SLC23A2: variants seen among roughly 807,000 people sequenced by gnomAD.
SLC23A2 encodes the protein Na(+)/L-ascorbic acid transporter 2.
A neutral mutation model predicts 73.3 loss-of-function variants in SLC23A2; 36 were observed. That is an observed-to-expected ratio of 0.49 (90% confidence interval 0.38 to 0.65). The LOEUF is 0.65. Ranked by LOEUF, SLC23A2 falls within the 30% of genes least tolerant of loss-of-function variation. The pLI is 0.00. For missense variants in SLC23A2, 507 were observed against 841.6 expected (o/e 0.60, Z 4.92); for synonymous variants, 343 against 327.3 (o/e 1.05, Z -0.52).
intron 2 of SLC23A2, among the ~76,000 whole-genome samples, chr20:4,952,087 G>C (rs2087211390): frequency 9.1e-6 from 1 of 109,318 alleles, no homozygotes; most frequent in African/African-American, 3.5e-5. Flanking sequence ...CTGGGCGACA[G>C]AGCAAGACTC....
chr20:4,934,924 A>G (rs1271720614), intron 2 of SLC23A2, among the ~76,000 whole-genome samples: 6 of 151,918 alleles, frequency 3.9e-5, no homozygotes, highest in Admixed American at 3.9e-4. Flanking sequence ...ACAGTGGCTC[A>G]TGCCTGTAAT....
At chr20:4,955,830 T>C (rs989923835) in intron 2 of SLC23A2, among the ~76,000 whole-genome samples, 1 of 151,790 alleles carries the variant, frequency 6.6e-6, no homozygotes, top group African/African-American at 2.4e-5. Flanking sequence ...TATATATACA[T>C]GTGCGATTGA....
intron 2 of SLC23A2, among the ~76,000 whole-genome samples, chr20:4,956,677 G>A (rs1447496953): frequency 1.3e-5 from 2 of 151,886 alleles, no homozygotes; most frequent in African/African-American, 2.4e-5. Context: ...TTTAAGTTGG[G>A]CACACAACCA....
At chr20:4,871,820 C>T (rs1930460139) in intron 11 of SLC23A2, among the ~76,000 whole-genome samples, 1 of 152,156 alleles carries the variant, frequency 6.6e-6, no homozygotes, top group Non-Finnish European at 1.5e-5. Flanking sequence ...CAGAGGCCTT[C>T]CTCACCAAGG....
chr20:4,947,122 G>A lies in SLC23A2; in HGVS notation c.-154-14406C>T, dbSNP rs1419611319. 6.6e-6 allele frequency among the ~76,000 whole-genome samples: 1 copy of A among 152,132 alleles called. No homozygotes were observed. The highest frequency in any genetic ancestry group is 2.4e-5 in the African/African-American group (1 of 41,420). On this transcript the variant is annotated intron_variant, in intron 2 of 16. Coordinates refer to ENST00000338244, the MANE Select transcript of SLC23A2 (RefSeq NM_005116.6). The surrounding 1 kb of genome is among the most constrained non-coding windows in gnomAD (Gnocchi z 4.4). ...CTCCTCCTCCAGGGAGCACTCCTGG[G>A]TCAGCTGTCCGTCTTCTGTGTTTCC... is the stretch of plus-strand genomic sequence containing the variant.
chr20:4,916,722 C>A (rs981517146), intron 3 of SLC23A2, among the ~76,000 whole-genome samples: 5 of 152,146 alleles, frequency 3.3e-5, no homozygotes, highest in Non-Finnish European at 1.5e-5. Flanking sequence ...TACAGTGGTA[C>A]AAAAGTGATA....
intron 2 of SLC23A2, among the ~76,000 whole-genome samples, chr20:4,951,023 G>A (rs1034465340): frequency 6.6e-5 from 10 of 152,088 alleles, no homozygotes; most frequent in African/African-American, 9.7e-5. Context: ...CACCACAAGC[G>A]CCCAGAACAC....
intron 1 of SLC23A2, among the ~76,000 whole-genome samples, chr20:4,972,515 T>C (rs1487555258): frequency 1.3e-5 from 2 of 151,208 alleles, no homozygotes; most frequent in Admixed American, 6.6e-5. Flanking sequence ...TTTCTCAAAA[T>C]AAAATCTCTA....
intron 2 of SLC23A2, among the ~76,000 whole-genome samples, chr20:4,950,130 C>G (rs759926936): frequency 5.9e-5 from 9 of 152,210 alleles, no homozygotes; most frequent in African/African-American, 2.2e-4. Flanking sequence ...CAATCTGTAG[C>G]AGGTTTCTCC....
chr20:4,907,239 C>T (rs1321408431), intron 4 of SLC23A2, among the ~76,000 whole-genome samples: 1 of 152,076 alleles, frequency 6.6e-6, no homozygotes, highest in African/African-American at 2.4e-5. Flanking sequence ...CCACACGATT[C>T]CTTTCTAGAG....
chr20:4,943,710 A>T (rs2087077515), intron 2 of SLC23A2, among the ~76,000 whole-genome samples: 1 of 151,946 alleles, frequency 6.6e-6, no homozygotes, highest in Admixed American at 6.6e-5. Context: ...TCTTTCACAC[A>T]AATACATGTA....
intron 16 of SLC23A2, 149 bp downstream of exon 16, chr20:4,859,140 C>T (rs772640698): frequency 4.9e-6 from 3 of 607,926 alleles, no homozygotes; most frequent in African/African-American, 1.9e-5. Flanking sequence ...GCTGGGAGTG[C>T]CATCACAACT....
chr20:4,858,868 C>T (rs895247811), intron 16 of SLC23A2, among the ~76,000 whole-genome samples: 15 of 152,104 alleles, frequency 9.9e-5, no homozygotes, highest in African/African-American at 3.6e-4. Flanking sequence ...GGCTGGAAGC[C>T]CACCTTAGGA....
chr20:4,891,510 C>T (rs1161507069), intron 6 of SLC23A2, among the ~76,000 whole-genome samples: 1 of 152,236 alleles, frequency 6.6e-6, no homozygotes, highest in African/African-American at 2.4e-5. Context: ...TTTCTGATGG[C>T]CTCTGCCATA....
chr20:4,909,205 G>T (rs1932059811), intron 4 of SLC23A2, among the ~76,000 whole-genome samples: 1 of 152,014 alleles, frequency 6.6e-6, no homozygotes, highest in African/African-American at 2.4e-5. Flanking sequence ...AGATTTTTTT[G>T]GGATTTTGAA....
chr20:4,876,108 G>T (rs1930645352), intron 9 of SLC23A2, among the ~76,000 whole-genome samples: 1 of 152,160 alleles, frequency 6.6e-6, no homozygotes, highest in Non-Finnish European at 1.5e-5. Flanking sequence ...ATTCCTCTGG[G>T]ATAGTGAAGT....
At chr20:4,976,889 T>A (rs1208826880) in intron 1 of SLC23A2, among the ~76,000 whole-genome samples, 1 of 151,710 alleles carries the variant, frequency 6.6e-6, no homozygotes, top group Non-Finnish European at 1.5e-5. Flanking sequence ...GGCAGGAGAA[T>A]CACTTGAATC....
At chr20:4,929,988 A>G (rs1284217914) in intron 3 of SLC23A2, among the ~76,000 whole-genome samples, 8 of 152,254 alleles carry the variant, frequency 5.3e-5, no homozygotes, top group Non-Finnish European at 1.2e-4. Flanking sequence ...GTGTATCTTA[A>G]ATGAAAAGCA....
chr20:4,986,689 C>CACACACACACACACACAG lies in SLC23A2; in HGVS notation c.-282+14716_-282+14717insCTGTGTGTGTGTGTGTGT, dbSNP rs71197739. Among the ~76,000 whole-genome samples the CACACACACACACACACAG allele has an allele frequency of 2.3e-4, 30 of 129,962 alleles. 1 individual carries two copies. In the South Asian group the frequency reaches 5.8e-3, roughly 25 times the overall value. 85.3% of individuals were successfully genotyped at this position (129,962 alleles called of 152,430 possible). A position where few individuals can be genotyped will look rare whatever the true frequency, so the allele number is the denominator to read the frequency against. Reference sequence around the variant, plus strand: ...ACACACACACACACACACACACACACAGAGATGAATATAAATAGAGAGAAG... The same window carrying CACACACACACACACACAG: ...ACACACACACACACACACACACACACACACACACACACACACAGAGAGATGAATATAAATAGAGAGAAG... On this transcript the variant is annotated intron_variant, in intron 1 of 16. Coordinates refer to ENST00000338244, the MANE Select transcript of SLC23A2 (RefSeq NM_005116.6).
Sources: allele counts gnomAD v4.1 joint callset (sites outside exome capture counted in the v4.1 genomes callset), GRCh38; gene constraint gnomAD v4.1.1; non-coding constraint Gnocchi (gnomAD v3.1); transcripts MANE v1.5; gene names NCBI Gene and HGNC (gene_info 2026-07-23, HGNC 2026-07-21).